Variants in SULT2B1 observed in about 807,000 individuals in gnomAD.
SULT2B1 encodes the protein sulfotransferase 2B1.
A neutral mutation model predicts 33.2 loss-of-function variants in SULT2B1; 16 were observed. The observed-to-expected ratio is 0.48, with a 90% CI of 0.33 to 0.73. SULT2B1 has a LOEUF of 0.73. Ranked by LOEUF, SULT2B1 falls within the 30% of genes least tolerant of loss-of-function variation. The pLI is 0.02. For synonymous variants in SULT2B1, 186 were observed against 200.5 expected (o/e 0.93, Z 0.61); for missense variants, 500 against 506.0 (o/e 0.99, Z 0.11).
In SULT2B1 at chr19:48,587,433, C is replaced by T. The variant is rs764196414; in HGVS notation, c.419C>T (p.Ala140Val). The T allele has an allele frequency of 4.3e-6, 7 of 1,614,064 alleles. No homozygotes were observed. Among genetic ancestry groups the T allele is most frequent in the Admixed American group, 1.7e-5 (1 of 59,982 alleles). ...IFTKAFFSSKAKVIYMGRNPR... is the reference protein window; with the variant it reads ...IFTKAFFSSKVKVIYMGRNPR... ...ACCAAGGCCTTCTTCAGCTCCAAGG[C>T]CAAGGTTGGGAGGAGGGGTGTGTGT... Residue 140 changes from alanine (A) to valine (V), a missense_variant, in exon 3 of 7, where the codon GCC becomes GTC. Ala to Val is a moderately conservative substitution (Grantham distance 64, BLOSUM62 0). Transcript: ENST00000201586.
intron 1 of SULT2B1, among the ~76,000 whole-genome samples, chr19:48,571,154 G>A (rs1283214792): frequency 6.6e-6 from 1 of 152,006 alleles, no homozygotes; most frequent in East Asian, 1.9e-4. Context: ...CTGAGCAGCT[G>A]TGACTACAGG....
chr19:48,555,047 G>A (rs987109938), intron 1 of SULT2B1, among the ~76,000 whole-genome samples: 3 of 152,102 alleles, frequency 2.0e-5, no homozygotes, highest in East Asian at 1.9e-4. Context: ...TCTAGCCTCC[G>A]AGTAGCTGGG....
At chr19:48,567,841 A>G (rs1168677968) in intron 1 of SULT2B1, among the ~76,000 whole-genome samples, 2 of 151,854 alleles carry the variant, frequency 1.3e-5, no homozygotes, top group African/African-American at 2.4e-5. Flanking sequence ...GTGGTGGTGT[A>G]TGCCTGTAGT....
At chr19:48,597,929 C>T (rs181100076) in intron 6 of SULT2B1, among the ~76,000 whole-genome samples, 15 of 152,210 alleles carry the variant, frequency 9.9e-5, no homozygotes, top group African/African-American at 2.4e-4. Flanking sequence ...CCACTGCGCC[C>T]GGCCAAGTGA....
In SULT2B1 at chr19:48,560,434, C is replaced by A. The variant is rs114510169; in HGVS notation, c.71+8111C>A. On this transcript the variant is annotated intron_variant, in intron 1 of 6. Transcript: ENST00000201586. ...GCCAGAGAAAGGAATCCAACAGGGGCTTGGAACTGCAGTCAGAGGCTGCCC... is the reference window on the plus strand; with the variant it reads ...GCCAGAGAAAGGAATCCAACAGGGGATTGGAACTGCAGTCAGAGGCTGCCC... Among the ~76,000 whole-genome samples, 902 of 151,784 alleles carry A rather than the reference C, an allele frequency of 5.9e-3. 12 individuals carry two copies. Among genetic ancestry groups the A allele is most frequent in the African/African-American group, 0.021 (865 of 41,380 alleles).
chr19:48,576,359 C>CTTTTCTTTTTTTCTTTT, intron 2 of SULT2B1, among the ~76,000 whole-genome samples: 1 of 96,716 alleles, frequency 1.0e-5, no homozygotes, highest in Non-Finnish European at 1.9e-5. Flanking sequence ...CTCTACTTCT[C>CTTTTCTTTTTTTCTTTT]TTTTTTTTTT....
chr19:48,594,530 GC>G, intron 5 of SULT2B1, among the ~76,000 whole-genome samples: 1 of 152,288 alleles, frequency 6.6e-6, no homozygotes, highest in Non-Finnish European at 1.5e-5. Flanking sequence ...CCAGAACTGG[GC>G]CACAGAGCCT....
intron 6 of SULT2B1, among the ~76,000 whole-genome samples, chr19:48,598,357 C>A (rs1027532708): frequency 1.3e-5 from 2 of 151,902 alleles, no homozygotes; most frequent in Non-Finnish European, 2.9e-5. Flanking sequence ...TTTGGGAGGC[C>A]GAGGCAGGTG....
intron 1 of SULT2B1, among the ~76,000 whole-genome samples, chr19:48,554,146 T>TG (rs543527730): frequency 9.8e-4 from 149 of 152,000 alleles, no homozygotes; most frequent in African/African-American, 3.5e-3. Context: ...TGCAGAGCCC[T>TG]GGGGGGGTGC....
intron 1 of SULT2B1, among the ~76,000 whole-genome samples, chr19:48,565,200 A>G (rs954950769): frequency 6.6e-6 from 1 of 152,088 alleles, no homozygotes; most frequent in African/African-American, 2.4e-5. Context: ...AGCTGGGATT[A>G]CAGGCATGAG....
rs747749447 is a variant in SULT2B1 at position 48,599,108 on chromosome 19, C to T, written c.827-27C>T. 12 of 1,551,650 alleles carry T rather than the reference C, an allele frequency of 7.7e-6. No homozygotes were observed. In the African/African-American group the frequency reaches 8.2e-5, roughly 11 times the overall value. ...GGCGCAGTGCTCCCCAGAGGCTCCT[C>T]ACCCCCTGGTGCCCCCTCTTCTCCA... On this transcript the variant is annotated intron_variant, in intron 6 of 6. Transcript: ENST00000201586. The surrounding 1 kb of genome is among the most constrained non-coding windows in gnomAD (Gnocchi z 4.1).
chr19:48,587,233 G>T lies in SULT2B1; in HGVS notation c.219G>T (p.Thr73=). 1 of 1,609,822 alleles carries T rather than the reference G, an allele frequency of 6.2e-7. No homozygotes were observed. The highest frequency in any genetic ancestry group is 1.1e-5 in the South Asian group (1 of 90,654). ...IFIITYPKSG[T]TWMIEIICLI... Reference sequence around the variant, plus strand: ...CTGCTCGATTTCTCCCAACAGGCACGACCTGGATGATCGAGATCATCTGCT... The same window carrying T: ...CTGCTCGATTTCTCCCAACAGGCACTACCTGGATGATCGAGATCATCTGCT... Residue 73 remains threonine, a synonymous_variant, in exon 3 of 7, where the codon ACG becomes ACT. Coordinates refer to ENST00000201586, the MANE Select transcript of SULT2B1 (RefSeq NM_177973.2).
chr19:48,556,738 G>T (rs192722305), intron 1 of SULT2B1, among the ~76,000 whole-genome samples: 10 of 151,936 alleles, frequency 6.6e-5, no homozygotes, highest in African/African-American at 2.4e-4. Context: ...ATCCCTTGAG[G>T]TCAGGAGTTC....
chr19:48,556,346 G>A (rs1316978942), intron 1 of SULT2B1, among the ~76,000 whole-genome samples: 2 of 152,154 alleles, frequency 1.3e-5, no homozygotes, highest in African/African-American at 2.4e-5. Context: ...TGAAAAGGAC[G>A]TCAAGAATGA....
intron 3 of SULT2B1, among the ~76,000 whole-genome samples, chr19:48,587,754 G>A (rs2544781): frequency 0.063 from 9,559 of 151,686 alleles, 716 homozygotes; most frequent in African/African-American, 0.18. Flanking sequence ...TCAGTCAGAC[G>A]TGGTGGCACA....
At position 48,578,834 on chromosome 19, in the gene SULT2B1, C is replaced by T. The variant is rs149467633; in HGVS notation, c.214+2751C>T. Among the ~76,000 whole-genome samples, 21 of 152,142 alleles carry T rather than the reference C, an allele frequency of 1.4e-4. No individual in the cohort carries two copies. The East Asian group carries it at 3.9e-3, about 28-fold the overall frequency. ...GAGGTTGCAGTGAGCCAAGAGTGCACCACTGAACTCCAGCCTTGGCGATAG... is the reference window on the plus strand; with the variant it reads ...GAGGTTGCAGTGAGCCAAGAGTGCATCACTGAACTCCAGCCTTGGCGATAG... On this transcript the variant is annotated intron_variant, in intron 2 of 6. Transcript: ENST00000201586.
chr19:48,557,431 T>G (rs1973113783), intron 1 of SULT2B1, among the ~76,000 whole-genome samples: 1 of 151,688 alleles, frequency 6.6e-6, no homozygotes. Flanking sequence ...TCCCAGCTAC[T>G]GGAGAGGCTG....
At chr19:48,591,526 G>C in intron 3 of SULT2B1, 83 bp from the exon 4 acceptor site, 2 of 1,477,118 alleles carry the variant, frequency 1.4e-6, no homozygotes, top group Non-Finnish European at 9.1e-7. Flanking sequence ...AGAAGAGAGG[G>C]GTCTCCAGGG....
intron 1 of SULT2B1, among the ~76,000 whole-genome samples, chr19:48,555,796 G>A (rs1159560683): frequency 1.3e-5 from 2 of 151,924 alleles, no homozygotes; most frequent in African/African-American, 2.4e-5. Context: ...CTGGAGTGCA[G>A]TGATGCGAAC....
Sources: gnomAD v4.1 joint callset for allele counts (sites outside exome capture counted in the v4.1 genomes callset) on GRCh38, gnomAD v4.1.1 for gene constraint, Gnocchi (gnomAD v3.1) non-coding constraint, MANE v1.5 for transcripts, NCBI Gene and HGNC (gene_info 2026-07-23, HGNC 2026-07-21) for gene names.